The following ARHGEF18 variants were observed in gnomAD, a reference collection of about 807,000 sequenced individuals.
ARHGEF18 encodes the protein rho guanine nucleotide exchange factor 18.
A neutral mutation model predicts 155.7 loss-of-function variants in ARHGEF18; 93 were observed. The observed-to-expected ratio is 0.60, with a 90% CI of 0.50 to 0.71. ARHGEF18 has a LOEUF of 0.71. Among genes scored for constraint, ARHGEF18 ranks in the 30% least tolerant of loss-of-function variants. The pLI is 0.00. For missense variants in ARHGEF18, 1,593 were observed against 1,816.1 expected (o/e 0.88, Z 2.23); for synonymous variants, 742 against 753.1 (o/e 0.99, Z 0.24).
intron 10 of ARHGEF18, among the ~76,000 whole-genome samples, chr19:7,398,056 A>G (rs563304064): frequency 5.3e-5 from 8 of 152,140 alleles, no homozygotes; most frequent in African/African-American, 1.9e-4. Flanking sequence ...TATATACTTC[A>G]AAGTGTGTTT....
At chr19:7,441,355 T>C (rs1390794085) in intron 11 of ARHGEF18, among the ~76,000 whole-genome samples, 1 of 152,022 alleles carries the variant, frequency 6.6e-6, no homozygotes, top group African/African-American at 2.4e-5. Flanking sequence ...AATTTTTGTA[T>C]TTTTAGCAGA....
chr19:7,355,068 T>TCA (rs60457716), intron 1 of ARHGEF18, among the ~76,000 whole-genome samples: 1,986 of 146,474 alleles, frequency 0.014, 16 homozygotes, highest in African/African-American at 0.024. Flanking sequence ...CCAATGGGCT[T>TCA]CACACACACA....
intron 20 of ARHGEF18, among the ~76,000 whole-genome samples, chr19:7,461,424 C>T (rs950246669): frequency 6.6e-6 from 1 of 152,084 alleles, no homozygotes; most frequent in Non-Finnish European, 1.5e-5. Context: ...GTGGTGCGTG[C>T]CTATAGTCCC....
chr19:7,416,607 T>TTTG (rs1330465243), intron 10 of ARHGEF18, among the ~76,000 whole-genome samples: 10 of 141,672 alleles, frequency 7.1e-5, no homozygotes, highest in African/African-American at 2.3e-4. Context: ...TTATTTGGGT[T>TTTG]TTTTTTTTTT....
Position 7,451,247 on chromosome 19 carries a change from C to T in ARHGEF18, c.1836C>T (p.Arg612=). Residue 612 remains arginine, a synonymous_variant, in exon 16 of 29, where the codon CGC becomes CGT. Transcript: ENST00000668164. ...RITKYPVLVE[R]IIQNTEAGTE... ...CCAAATACCCAGTGCTGGTGGAGCG[C>T]ATCATCCAGAACACGGAAGGTAGGC... 1 of 1,612,606 alleles carries T rather than the reference C, an allele frequency of 6.2e-7. No homozygotes were observed. Among genetic ancestry groups the T allele is most frequent in the Non-Finnish European group, 8.5e-7 (1 of 1,179,630 alleles).
chr19:7,476,453 A>C (rs1338276480), downstream of ARHGEF18, among the ~76,000 whole-genome samples: 1 of 152,250 alleles, frequency 6.6e-6, no homozygotes. Flanking sequence ...GGTTGTTCTC[A>C]GCCAGCAGAC....
At chr19:7,397,547 C>T (rs2145552418) in intron 10 of ARHGEF18, among the ~76,000 whole-genome samples, 1 of 151,910 alleles carries the variant, frequency 6.6e-6, no homozygotes, top group East Asian at 1.9e-4. Flanking sequence ...TCCTGGCTAA[C>T]ACGGTGAAAC....
At chr19:7,446,262 C>T (rs1179763288) in intron 14 of ARHGEF18, among the ~76,000 whole-genome samples, 1 of 151,798 alleles carries the variant, frequency 6.6e-6, no homozygotes, top group African/African-American at 2.4e-5. Context: ...ATCCCAGCTA[C>T]TCAGGAGGCT....
At chr19:7,384,748 A>G (rs189183123) in intron 10 of ARHGEF18, among the ~76,000 whole-genome samples, 114 of 151,032 alleles carry the variant, frequency 7.5e-4, no homozygotes, top group Non-Finnish European at 1.4e-3. Context: ...CTGGAGTGCA[A>G]TGGTGTGATC....
At chr19:7,382,644 A>C in intron 8 of ARHGEF18, 148 bp from the exon 9 acceptor site, 1 of 412,798 alleles carries the variant, frequency 2.4e-6, no homozygotes, top group Non-Finnish European at 4.1e-6. Flanking sequence ...GAGGGAGGGA[A>C]GGAGGAAGTC....
intron 20 of ARHGEF18, among the ~76,000 whole-genome samples, chr19:7,461,046 C>A (rs975035695): frequency 4.0e-5 from 6 of 151,720 alleles, no homozygotes; most frequent in Non-Finnish European, 7.4e-5. Flanking sequence ...CTCGGCCTCC[C>A]AAAGTGCTGG....
intron 10 of ARHGEF18, among the ~76,000 whole-genome samples, chr19:7,411,982 T>G (rs1478647512): frequency 6.6e-6 from 1 of 152,176 alleles, no homozygotes; most frequent in African/African-American, 2.4e-5. Flanking sequence ...GTTTTGTTTA[T>G]CCATTCATCT....
chr19:7,428,033 TG>T (rs2038558199), intron 10 of ARHGEF18, among the ~76,000 whole-genome samples: 2 of 152,298 alleles, frequency 1.3e-5, no homozygotes, highest in South Asian at 4.1e-4. Flanking sequence ...GTCAAATCTC[TG>T]GGCAAACATG....
At chr19:7,435,935 G>A (rs1210961235) in intron 10 of ARHGEF18, among the ~76,000 whole-genome samples, 1 of 152,108 alleles carries the variant, frequency 6.6e-6, no homozygotes, top group African/African-American at 2.4e-5. Flanking sequence ...CAGGGCTCAA[G>A]CAATTTTCCC....
intron 10 of ARHGEF18, among the ~76,000 whole-genome samples, chr19:7,385,819 A>ATC (rs1252967510): frequency 3.0e-4 from 27 of 89,308 alleles, no homozygotes; most frequent in South Asian, 7.2e-4. Context: ...TAGAGATAGG[A>ATC]TCTATCTCTC....
chr19:7,459,567 C>T (rs1418885854), intron 19 of ARHGEF18, among the ~76,000 whole-genome samples: 1 of 152,188 alleles, frequency 6.6e-6, no homozygotes, highest in Non-Finnish European at 1.5e-5. Context: ...TAATCTGGTT[C>T]AGACTCCCCC....
chr19:7,412,329 T>C (rs1217952024), intron 10 of ARHGEF18, among the ~76,000 whole-genome samples: 1 of 152,056 alleles, frequency 6.6e-6, no homozygotes, highest in Non-Finnish European at 1.5e-5. Context: ...CTAGGGTTTT[T>C]AGGAACCACC....
In ARHGEF18 at chr19:7,395,296, G is replaced by C. The variant is rs560199333; in HGVS notation, c.967+12093G>C. ...CCGAGGAAAACGGGGCTCAGGAGGG[G>C]GCCCTCGGTCTCTTCAGGGGGTGGC... On this transcript the variant is annotated intron_variant, in intron 10 of 28. Transcript: ENST00000668164. This position sits in a 1 kb window ranked among gnomAD's most constrained non-coding sequence, Gnocchi z 5.0. 14 of 985,808 alleles carry C rather than the reference G, an allele frequency of 1.4e-5. No homozygotes were observed. In the South Asian group the frequency reaches 6.1e-4, roughly 43 times the overall value. The allele number at this position is 985,808 out of a possible 1,614,324, so 61.1% of individuals were successfully genotyped here.
At chr19:7,460,100 T>C (rs1976118839) in intron 20 of ARHGEF18, 106 bp downstream of exon 20, 2 of 1,119,500 alleles carry the variant, frequency 1.8e-6, no homozygotes, top group Non-Finnish European at 1.3e-6. Context: ...ACCCGGTGTT[T>C]TCCCGTGGGC....
Sources: gnomAD v4.1 joint callset for allele counts (sites outside exome capture counted in the v4.1 genomes callset) on GRCh38, gnomAD v4.1.1 for gene constraint, Gnocchi (gnomAD v3.1) non-coding constraint, MANE v1.5 for transcripts, NCBI Gene and HGNC (gene_info 2026-07-23, HGNC 2026-07-21) for gene names.